The following PLEKHA3 variants were observed in gnomAD, a reference collection of about 807,000 sequenced individuals.
PLEKHA3 encodes pleckstrin homology domain-containing family A member 3.
In PLEKHA3, 19 loss-of-function variants were observed where a neutral mutation model predicts 39.2. The ratio of observed to expected loss-of-function variants is 0.48; its 90% CI spans 0.34 to 0.71. The LOEUF is 0.71. Ranked by LOEUF, PLEKHA3 falls within the 30% of genes least tolerant of loss-of-function variation. The probability of loss-of-function intolerance (pLI) is 0.01; values close to 1 mark genes in which losing one functional copy is unlikely to be tolerated. For missense variants in PLEKHA3, 253 were observed against 359.5 expected (o/e 0.70, Z 2.40); for synonymous variants, 97 against 118.6 (o/e 0.82, Z 1.18).
At chr2:178,490,065 T>C (rs1685319948) in intron 2 of PLEKHA3, among the ~76,000 whole-genome samples, 1 of 152,246 alleles carries the variant, frequency 6.6e-6, no homozygotes, top group Admixed American at 6.5e-5. Flanking sequence ...TCATAATTCC[T>C]GATTAGCTCT....
Position 178,501,175 on chromosome 2 carries a change from T to A in PLEKHA3, c.774T>A (p.Asp258Glu). 6.2e-7 allele frequency: 1 copy of A among 1,604,218 alleles called. No homozygotes were observed. The highest frequency in any genetic ancestry group is 8.5e-7 in the Non-Finnish European group (1 of 1,172,850). ...SCSDIPLEDPDRPVHCSKNTL... is the reference protein window; with the variant it reads ...SCSDIPLEDPERPVHCSKNTL... Reference sequence around the variant, plus strand: ...GTGATATTCCTCTTGAAGACCCAGATAGTAAGTGACATAGATTCTGTCTCT... The same window carrying A: ...GTGATATTCCTCTTGAAGACCCAGAAAGTAAGTGACATAGATTCTGTCTCT... Residue 258 changes from aspartate to glutamate, a missense_variant and splice_region_variant, in exon 7 of 8, where the codon GAT becomes GAA. Physicochemically the swap from Asp to Glu is conservative, Grantham distance 45. Transcript: ENST00000234453.
At chr2:178,492,820 G>C (rs1295255514) in intron 3 of PLEKHA3, among the ~76,000 whole-genome samples, 1 of 152,174 alleles carries the variant, frequency 6.6e-6, no homozygotes, top group Non-Finnish European at 1.5e-5. Context: ...ACGTTCTGGA[G>C]ATGGATGGTG....
At position 178,493,905 on chromosome 2, in the gene PLEKHA3, C is replaced by T; in HGVS notation, c.366C>T (p.Leu122=). The change falls in exon 4 of 8, where the codon CTC becomes CTT. Residue 122 remains leucine (L), a synonymous_variant. Transcript: ENST00000234453. ...SLKTKMSELR[L]YCDLLMQQVH... ...AAACCAAAATGTCTGAACTTCGCCT[C>T]TACTGTGACCTCTTAATGCAGCAAG... The T allele has an allele frequency of 6.2e-7, 1 of 1,614,002 alleles. No homozygotes were observed. The highest frequency in any genetic ancestry group is 1.1e-5 in the South Asian group (1 of 91,046).
Position 178,505,482 on chromosome 2 carries a change from A to G in PLEKHA3, c.*1595A>G, listed in dbSNP as rs1463398237. 5 of 151,676 alleles carry G rather than the reference A, an allele frequency of 3.3e-5. No individual in the cohort carries two copies. The highest frequency in any genetic ancestry group is 4.8e-5 in the African/African-American group (2 of 41,430). 9.4% of individuals were successfully genotyped at this position (151,676 alleles called of 1,614,324 possible). On this transcript the variant is annotated 3_prime_UTR_variant, in exon 8 of 8. Transcript: ENST00000234453. ...TTTGCCTGCTCATAAGTTGTACTTC[A>G]TATGTCTAATTTGAAAAAAAAAGTT... is the stretch of plus-strand genomic sequence containing the variant.
Position 178,480,560 on chromosome 2 carries a change from C to A in PLEKHA3, c.-310C>A, listed in dbSNP as rs915963808. ...GGCAGCGCCGGGGCGCCGGAGGGAG[C>A]AGCCGGGCTGCGGAAGCGCGAGCAG... On this transcript the variant is annotated 5_prime_UTR_variant, in exon 1 of 8. Coordinates refer to ENST00000234453, the MANE Select transcript of PLEKHA3 (RefSeq NM_019091.4). 1 of 234,472 alleles carries A rather than the reference C, an allele frequency of 4.3e-6. No homozygotes were observed. Among genetic ancestry groups the A allele is most frequent in the East Asian group, 8.2e-5 (1 of 12,228 alleles). 14.5% of individuals were successfully genotyped at this position (234,472 alleles called of 1,614,324 possible).
At chr2:178,490,898 G>GTA in intron 3 of PLEKHA3, 84 bp downstream of exon 3, 1 of 1,049,176 alleles carries the variant, frequency 9.5e-7, no homozygotes. Flanking sequence ...TCCACTTTTA[G>GTA]TATCTATCCC....
At chr2:178,485,020 T>G (rs1418484907) in intron 1 of PLEKHA3, among the ~76,000 whole-genome samples, 2 of 152,242 alleles carry the variant, frequency 1.3e-5, no homozygotes, top group African/African-American at 4.8e-5. Flanking sequence ...GTAGCTTCTA[T>G]TTAAGAGACT....
chr2:178,491,982 G>A (rs1176964874), intron 3 of PLEKHA3, among the ~76,000 whole-genome samples: 2 of 152,088 alleles, frequency 1.3e-5, no homozygotes, highest in African/African-American at 4.8e-5. Flanking sequence ...CTCCTTTGAC[G>A]ACCTAATCAC....
At chr2:178,499,681 T>TA (rs1685499618) in intron 6 of PLEKHA3, among the ~76,000 whole-genome samples, 1 of 152,154 alleles carries the variant, frequency 6.6e-6, no homozygotes, top group African/African-American at 2.4e-5. Flanking sequence ...CAACATTCAG[T>TA]ACAGTAACAT....
At chr2:178,492,915 T>A (rs1685375216) in intron 3 of PLEKHA3, among the ~76,000 whole-genome samples, 1 of 152,232 alleles carries the variant, frequency 6.6e-6, no homozygotes, top group African/African-American at 2.4e-5. Context: ...AATTTTATGT[T>A]TATGTATACT....
At chr2:178,488,893 G>C in intron 2 of PLEKHA3, 1 of 399,308 alleles carries the variant, frequency 2.5e-6, no homozygotes, top group South Asian at 1.9e-5. Flanking sequence ...ATGTTTTGTA[G>C]TTTTGTGTTT....
intron 2 of PLEKHA3, among the ~76,000 whole-genome samples, chr2:178,488,250 T>G (rs1685284409): frequency 6.6e-6 from 1 of 152,274 alleles, no homozygotes; most frequent in South Asian, 2.1e-4. Context: ...GTCTTTGTGT[T>G]GCAGATGTTT....
Position 178,505,416 on chromosome 2 carries a change from T to C in PLEKHA3, c.*1529T>C, listed in dbSNP as rs1004368716. ...TACTTGAAGTGTTTGTAATTTTAAA[T>C]AACACACAGGTCATCAGACTACTCT... On this transcript the variant is annotated 3_prime_UTR_variant, in exon 8 of 8. Coordinates refer to ENST00000234453, the MANE Select transcript of PLEKHA3 (RefSeq NM_019091.4). The C allele has an allele frequency of 1.3e-5, 2 of 151,954 alleles. No individual in the cohort carries two copies. The highest frequency in any genetic ancestry group is 4.8e-5 in the African/African-American group (2 of 41,408). The allele number at this position is 151,954 out of a possible 1,614,324, so 9.4% of individuals were successfully genotyped here.
intron 2 of PLEKHA3, among the ~76,000 whole-genome samples, chr2:178,486,838 C>T (rs12613303): frequency 0.021 from 3,157 of 152,302 alleles, 55 homozygotes; most frequent in East Asian, 0.04. Flanking sequence ...AACATTCTTA[C>T]ACATTTATTG....
intron 7 of PLEKHA3, 112 bp from the exon 8 acceptor site, chr2:178,503,648 C>T (rs1685564125): frequency 8.7e-7 from 1 of 1,143,990 alleles, no homozygotes; most frequent in Admixed American, 2.5e-5. Flanking sequence ...CAAAATTAGC[C>T]AGAAGCTAAA....
Position 178,514,616 on chromosome 2 carries a change from C to T in PLEKHA3, c.*10729C>T, listed in dbSNP as rs1685734056. ...GTATATCCTTCACTTATTAATAGTG[C>T]CTTCATGAATTCAAAGACCCTTGTC... On this transcript the variant is annotated 3_prime_UTR_variant, in exon 8 of 8. Transcript: ENST00000234453. The T allele has an allele frequency of 6.6e-6, 1 of 151,492 alleles. No homozygotes were observed. The highest frequency in any genetic ancestry group is 1.5e-5 in the Non-Finnish European group (1 of 67,966). The allele number at this position is 151,492 out of a possible 1,614,324, so 9.4% of individuals were successfully genotyped here.
chr2:178,483,580 T>G (rs1054128937), intron 1 of PLEKHA3, among the ~76,000 whole-genome samples: 2 of 152,238 alleles, frequency 1.3e-5, no homozygotes, highest in African/African-American at 4.8e-5. Context: ...GATATTGAAT[T>G]GCAGTACTGC....
rs1269498973 is a variant in PLEKHA3 at position 178,501,186 on chromosome 2, A to G, written c.775+10A>G. On this transcript the variant is annotated intron_variant, in intron 7 of 7. Coordinates refer to ENST00000234453, the MANE Select transcript of PLEKHA3 (RefSeq NM_019091.4). ...CTTGAAGACCCAGATAGTAAGTGACATAGATTCTGTCTCTTTCTTTGGCAT... is the reference window on the plus strand; with the variant it reads ...CTTGAAGACCCAGATAGTAAGTGACGTAGATTCTGTCTCTTTCTTTGGCAT... The G allele has an allele frequency of 5.0e-6, 8 of 1,592,504 alleles. No homozygotes were observed. The highest frequency in any genetic ancestry group is 1.1e-5 in the South Asian group (1 of 89,370).
intron 2 of PLEKHA3, among the ~76,000 whole-genome samples, chr2:178,488,585 G>A (rs1443440556): frequency 3.9e-5 from 6 of 152,160 alleles, no homozygotes; most frequent in Non-Finnish European, 7.3e-5. Context: ...TGTTGTTGTT[G>A]TTGTTAATCC....
Sources: allele counts gnomAD v4.1 joint callset (sites outside exome capture counted in the v4.1 genomes callset), GRCh38; gene constraint gnomAD v4.1.1; transcripts MANE v1.5; gene names NCBI Gene and HGNC (gene_info 2026-07-23, HGNC 2026-07-21).